The following FHIT variants were observed in gnomAD, a reference collection of about 807,000 sequenced individuals.
FHIT encodes bis(5'-adenosyl)-triphosphatase.
Under a neutral mutation model 17.9 loss-of-function variants are expected in FHIT, and 19 were observed. That is an observed-to-expected ratio of 1.06 (90% CI 0.74 to 1.56). The LOEUF is 1.56. FHIT is among the 40% of genes most tolerant of loss of function. The pLI is 0.00. For synonymous variants in FHIT, 81 were observed against 69.7 expected (o/e 1.16, Z -0.81); for missense variants, 248 against 189.2 (o/e 1.31, Z -1.82).
intron 5 of FHIT, among the ~76,000 whole-genome samples, chr3:60,074,591 T>C (rs918463765): frequency 5.9e-5 from 9 of 151,906 alleles, no homozygotes; most frequent in Non-Finnish European, 1.2e-4. Flanking sequence ...CTCAGCTTCA[T>C]GGACTAGAGA....
At chr3:61,229,348 A>G (rs1278228638) in intron 1 of FHIT, among the ~76,000 whole-genome samples, 1 of 152,218 alleles carries the variant, frequency 6.6e-6, no homozygotes, top group East Asian at 1.9e-4. Flanking sequence ...ACCAGAAGCT[A>G]GAAGAGGCAA....
At chr3:60,620,348 A>G (rs2107751062) in intron 4 of FHIT, among the ~76,000 whole-genome samples, 1 of 152,222 alleles carries the variant, frequency 6.6e-6, no homozygotes, top group East Asian at 1.9e-4. Context: ...CTGCACACAG[A>G]TGTTTATAGT....
At chr3:60,206,240 TTGC>T (rs1003681678) in intron 5 of FHIT, among the ~76,000 whole-genome samples, 3 of 151,854 alleles carry the variant, frequency 2.0e-5, no homozygotes, top group Non-Finnish European at 2.9e-5. Context: ...TTTCTTGTTC[TTGC>T]TGCTATTAAA....
At chr3:60,076,405 T>C (rs1161447828) in intron 5 of FHIT, among the ~76,000 whole-genome samples, 1 of 152,086 alleles carries the variant, frequency 6.6e-6, no homozygotes, top group African/African-American at 2.4e-5. Flanking sequence ...ACTTATAAAA[T>C]TATTCATATT....
intron 3 of FHIT, chr3:60,912,895 T>A (rs1575680104): frequency 2.4e-6 from 1 of 421,900 alleles, no homozygotes; most frequent in East Asian, 6.6e-5. Context: ...TCCATGTGTA[T>A]GTGCAAGTAC....
At chr3:60,713,765 A>G (rs572403161) in intron 4 of FHIT, among the ~76,000 whole-genome samples, 8 of 152,260 alleles carry the variant, frequency 5.3e-5, no homozygotes, top group African/African-American at 1.9e-4. Flanking sequence ...GACCAATAAC[A>G]GGATCTGAAA....
intron 5 of FHIT, among the ~76,000 whole-genome samples, chr3:60,415,632 C>A (rs560974101): frequency 6.6e-6 from 1 of 151,678 alleles, no homozygotes; most frequent in Non-Finnish European, 1.5e-5. Context: ...AACTTAAAGT[C>A]TTGTCCACTG....
intron 1 of FHIT, among the ~76,000 whole-genome samples, chr3:61,214,011 A>G (rs1349906412): frequency 1.1e-4 from 16 of 152,170 alleles, no homozygotes; most frequent in Non-Finnish European, 1.3e-4. Flanking sequence ...AAAGCAGTGT[A>G]TAGAGGGAAA....
intron 5 of FHIT, among the ~76,000 whole-genome samples, chr3:60,115,131 T>C (rs1253689721): frequency 1.3e-5 from 2 of 152,086 alleles, no homozygotes; most frequent in African/African-American, 4.8e-5. Context: ...AGATTTTAAG[T>C]ATAAAGATCT....
intron 8 of FHIT, among the ~76,000 whole-genome samples, chr3:59,908,516 T>C (rs530499019): frequency 5.3e-5 from 8 of 152,288 alleles, no homozygotes; most frequent in Non-Finnish European, 5.9e-5. Flanking sequence ...CTGCAAAGAA[T>C]GATGGCATTC....
intron 5 of FHIT, among the ~76,000 whole-genome samples, chr3:60,214,067 C>T (rs17062490): frequency 0.025 from 3,854 of 152,168 alleles, 68 homozygotes; most frequent in Middle Eastern, 0.078. Flanking sequence ...TCGTGACTAG[C>T]GCAATGGGAA....
chr3:60,192,170 G>A (rs1042778928), intron 5 of FHIT, among the ~76,000 whole-genome samples: 3 of 151,038 alleles, frequency 2.0e-5, no homozygotes, highest in Admixed American at 6.6e-5. Flanking sequence ...AGAATCGCTC[G>A]AGCCCGGGAG....
At chr3:60,011,308 T>C in intron 7 of FHIT, 63 bp downstream of exon 7, 1 of 1,503,026 alleles carries the variant, frequency 6.7e-7, no homozygotes, top group Admixed American at 1.7e-5. Flanking sequence ...TGACTCGTTG[T>C]GATTTTTTAT....
intron 1 of FHIT, among the ~76,000 whole-genome samples, chr3:61,247,833 T>A (rs1291546700): frequency 6.6e-6 from 1 of 152,206 alleles, no homozygotes; most frequent in Non-Finnish European, 1.5e-5. Context: ...GACAACATGC[T>A]CAAAGCTTTA....
chr3:60,441,582 C>T (rs1410002938), intron 5 of FHIT, among the ~76,000 whole-genome samples: 4 of 150,372 alleles, frequency 2.7e-5, no homozygotes, highest in Non-Finnish European at 4.4e-5. Context: ...TAGAGACACA[C>T]CTTTAGAAAG....
At chr3:61,061,849 C>T (rs1474302306) in intron 2 of FHIT, among the ~76,000 whole-genome samples, 5 of 152,138 alleles carry the variant, frequency 3.3e-5, no homozygotes, top group Admixed American at 2.6e-4. Flanking sequence ...TTTCCCATCC[C>T]TCTACCCTCA....
chr3:61,065,022 C>G (rs887591164), intron 2 of FHIT, among the ~76,000 whole-genome samples: 2 of 152,226 alleles, frequency 1.3e-5, no homozygotes, highest in Middle Eastern at 3.4e-3. Flanking sequence ...AATGACAGAG[C>G]AGAGAGTGTC....
intron 4 of FHIT, among the ~76,000 whole-genome samples, chr3:60,578,559 T>C (rs1361881905): frequency 1.3e-5 from 2 of 152,212 alleles, no homozygotes; most frequent in South Asian, 2.1e-4. Context: ...ATAAAGTACC[T>C]GCATATTTTC....
chr3:60,092,535 T>G (rs1027709422), intron 5 of FHIT, among the ~76,000 whole-genome samples: 13 of 152,196 alleles, frequency 8.5e-5, no homozygotes, highest in African/African-American at 3.1e-4. Flanking sequence ...CATGATAGCA[T>G]TTCTAGATTG....
Sources: gnomAD v4.1 joint callset for allele counts (sites outside exome capture counted in the v4.1 genomes callset) on GRCh38, gnomAD v4.1.1 for gene constraint, MANE v1.5 for transcripts, NCBI Gene and HGNC (gene_info 2026-07-23, HGNC 2026-07-21) for gene names.